Variants in ANXA8 observed in about 807,000 individuals in gnomAD.
The protein encoded by ANXA8 is VAC-beta.
In ANXA8, 9 loss-of-function variants were observed where a neutral mutation model predicts 26.8. The observed-to-expected ratio is 0.34, with a 90% CI of 0.20 to 0.59. The LOEUF (loss-of-function observed/expected upper bound fraction) is 0.59. Among genes scored for constraint, ANXA8 ranks in the 20% least tolerant of loss-of-function variants. The probability of loss-of-function intolerance (pLI) is 0.84; values close to 1 mark genes in which losing one functional copy is unlikely to be tolerated. For missense variants in ANXA8, 83 were observed against 238.5 expected (o/e 0.35, Z 4.29); for synonymous variants, 39 against 94.8 (o/e 0.41, Z 3.42).
Position 47,484,039 on chromosome 10 carries a change from G to A in ANXA8, c.-106C>T, listed in dbSNP as rs1211134635. 3.5e-5 allele frequency: 57 copies of A among 1,610,778 alleles called. No individual in the cohort carries two copies. The highest frequency in any genetic ancestry group is 2.3e-4 in the Middle Eastern group (1 of 4,444). ...CCTGCAGCTGAGGAGTGAGCAGGCCGCTCACTTGGGTGTGGGGGTGCAAGC... is the reference window on the plus strand; with the variant it reads ...CCTGCAGCTGAGGAGTGAGCAGGCCACTCACTTGGGTGTGGGGGTGCAAGC... On this transcript the variant is annotated 5_prime_UTR_variant, in exon 1 of 12. Transcript: ENST00000585281.
the ANXA8 span, chr10:47,491,468 A>G: frequency 1.7e-6 from 1 of 594,790 alleles, no homozygotes; most frequent in South Asian, 2.0e-5. Context: ...GACTTGGTAG[A>G]GCAGGAGACC....
chr10:47,960,627 A>G, the ANXA8 span, among the ~76,000 whole-genome samples: 1 of 149,550 alleles, frequency 6.7e-6, no homozygotes, highest in Non-Finnish European at 1.5e-5. Flanking sequence ...ACAAAAATAT[A>G]CAAATTATAA....
At chr10:47,683,814 A>AT in the ANXA8 span, among the ~76,000 whole-genome samples, 2 of 150,894 alleles carry the variant, frequency 1.3e-5, no homozygotes, top group East Asian at 1.9e-4. Context: ...CAACTTTATG[A>AT]TTTTTTTGGT....
chr10:47,539,364 G>A, the ANXA8 span, among the ~76,000 whole-genome samples: 14 of 109,212 alleles, frequency 1.3e-4, 3 homozygotes, highest in African/African-American at 4.8e-4. Flanking sequence ...TAGAGGATTC[G>A]TCTTCCAATT....
the ANXA8 span, among the ~76,000 whole-genome samples, chr10:47,649,669 C>T: frequency 0.015 from 2,275 of 150,886 alleles, 152 homozygotes; most frequent in Admixed American, 0.14. Context: ...GGCCTCCCAA[C>T]GTGCTGGGAT....
chr10:47,568,839 G>C, the ANXA8 span, among the ~76,000 whole-genome samples: 3 of 27,336 alleles, frequency 1.1e-4, 1 homozygote, highest in East Asian at 1.1e-3. Flanking sequence ...CTACTCAGGA[G>C]ACTGAGGCAG....
the ANXA8 span, among the ~76,000 whole-genome samples, chr10:47,924,721 T>C: frequency 6.6e-6 from 1 of 151,642 alleles, no homozygotes; most frequent in Non-Finnish European, 1.5e-5. Flanking sequence ...CTGTTTGTCT[T>C]ATCGCTTCTT....
the ANXA8 span, among the ~76,000 whole-genome samples, chr10:47,694,348 G>C: frequency 6.6e-6 from 1 of 150,568 alleles, no homozygotes; most frequent in Admixed American, 6.6e-5. Context: ...TAATGAGTCA[G>C]TGAACTTAGT....
the ANXA8 span, among the ~76,000 whole-genome samples, chr10:47,711,156 T>C: frequency 1.4e-5 from 2 of 142,628 alleles, no homozygotes; most frequent in African/African-American, 5.4e-5. Context: ...TACAGTTTCA[T>C]ATTTTTATTA....
chr10:47,651,036 C>T, the ANXA8 span, among the ~76,000 whole-genome samples: 14 of 151,080 alleles, frequency 9.3e-5, no homozygotes, highest in Admixed American at 4.6e-4. Context: ...AGTTAGAGAC[C>T]AGCCTGGGCA....
chr10:47,469,197 G>C (rs1839226033), intron 11 of ANXA8, among the ~76,000 whole-genome samples: 1 of 148,054 alleles, frequency 6.8e-6, no homozygotes, highest in African/African-American at 2.5e-5. Flanking sequence ...CTGTCCCAGG[G>C]TTCTTCTATT....
At chr10:47,487,932 G>A (rs1329470240), upstream of ANXA8, among the ~76,000 whole-genome samples, 39 of 151,040 alleles carry the variant, frequency 2.6e-4, no homozygotes, top group East Asian at 2.0e-4. Context: ...AAATGTTTAC[G>A]ATGTCTTCCC....
the ANXA8 span, chr10:47,689,672 T>C: frequency 1.3e-6 from 1 of 743,462 alleles, no homozygotes; most frequent in Non-Finnish European, 2.2e-6. Flanking sequence ...GCTGACAATA[T>C]ATTAATTTTG....
At chr10:47,502,951 G>C in the ANXA8 span, 5 of 1,594,498 alleles carry the variant, frequency 3.1e-6, no homozygotes, top group African/African-American at 1.5e-5. Flanking sequence ...ATGAGGAGAG[G>C]GGGGCGGGTT....
chr10:47,700,037 G>A, the ANXA8 span, among the ~76,000 whole-genome samples: 3 of 151,920 alleles, frequency 2.0e-5, no homozygotes, highest in African/African-American at 7.3e-5. Context: ...GACATTTCCT[G>A]TTCTTGGATA....
chr10:47,496,803 T>C, the ANXA8 span, among the ~76,000 whole-genome samples: 3 of 149,432 alleles, frequency 2.0e-5, no homozygotes, highest in African/African-American at 7.5e-5. Flanking sequence ...TACGAACTTT[T>C]GGCAATTACA....
the ANXA8 span, among the ~76,000 whole-genome samples, chr10:47,968,141 T>C: frequency 6.7e-6 from 1 of 150,188 alleles, no homozygotes; most frequent in Non-Finnish European, 1.5e-5. Context: ...AGCTAGGCCC[T>C]GCCACCACTG....
chr10:47,740,493 T>C, the ANXA8 span, among the ~76,000 whole-genome samples: 1 of 129,724 alleles, frequency 7.7e-6, no homozygotes, highest in South Asian at 2.4e-4. Context: ...AGAATTTTCA[T>C]TCATCCCCAC....
At chr10:47,980,570 AATT>A in the ANXA8 span, among the ~76,000 whole-genome samples, 3 of 151,322 alleles carry the variant, frequency 2.0e-5, no homozygotes, top group Non-Finnish European at 4.4e-5. Flanking sequence ...CTATACATTA[AATT>A]ATTAAATTAT....
Sources: gnomAD v4.1 joint callset for allele counts (sites outside exome capture counted in the v4.1 genomes callset) on GRCh38, gnomAD v4.1.1 for gene constraint, MANE v1.5 for transcripts, NCBI Gene and HGNC (gene_info 2026-07-23, HGNC 2026-07-21) for gene names.